The following MRE11 variants were observed in gnomAD, a reference collection of about 807,000 sequenced individuals.
MRE11 encodes the protein MRE11 double strand break repair nuclease.
In MRE11, 62 loss-of-function variants were observed where a neutral mutation model predicts 91.7. That is an observed-to-expected ratio of 0.68 (90% CI 0.55 to 0.84). MRE11 has a LOEUF of 0.84. Ranked by LOEUF, MRE11 falls within the 40% of genes least tolerant of loss-of-function variation. The pLI is 0.00. For synonymous variants in MRE11, 273 were observed against 271.4 expected, an observed-to-expected ratio of 1.01 and a Z score of -0.06; for missense variants, 796 against 852.9, an observed-to-expected ratio of 0.93 and a Z score of 0.83.
intron 3 of MRE11, among the ~76,000 whole-genome samples, chr11:94,487,757 G>A (rs1372565619): frequency 6.6e-6 from 1 of 152,204 alleles, no homozygotes; most frequent in Non-Finnish European, 1.5e-5. Context: ...GTAAAGAGAA[G>A]ATAAAGCAAA....
At chr11:94,477,003 T>C (rs1946879074) in intron 6 of MRE11, among the ~76,000 whole-genome samples, 1 of 152,176 alleles carries the variant, frequency 6.6e-6, no homozygotes, top group African/African-American at 2.4e-5. Context: ...TACAGGCGTG[T>C]GCCAGCACGC....
chr11:94,442,155 T>C lies in MRE11; in HGVS notation c.1867+3655A>G, dbSNP rs143808758. Among the ~76,000 whole-genome samples, 412 of 152,076 alleles carry C rather than the reference T, an allele frequency of 2.7e-3. 4 individuals are homozygous for C. Among genetic ancestry groups the C allele is most frequent in the African/African-American group, 9.5e-3 (393 of 41,486 alleles). On this transcript the variant is annotated intron_variant, in intron 16 of 19. Coordinates refer to ENST00000323929, the MANE Select transcript of MRE11 (RefSeq NM_005591.4). Reference sequence around the variant, plus strand: ...ATAGAGGTAACATCTGAAGGGATAATAGCTAAGGATTTTCTAGAAGTGACG... The same window carrying C: ...ATAGAGGTAACATCTGAAGGGATAACAGCTAAGGATTTTCTAGAAGTGACG...
rs141426531 is a variant in MRE11 at position 94,482,501 on chromosome 11, T to C, written c.315-2740A>G. Among the ~76,000 whole-genome samples, 962 of 151,404 alleles carry C rather than the reference T, an allele frequency of 6.4e-3. 10 individuals are homozygous for C. The highest frequency in any genetic ancestry group is 0.022 in the African/African-American group (927 of 41,222). On this transcript the variant is annotated intron_variant, in intron 4 of 19. Transcript: ENST00000323929. The stretch of plus-strand genomic sequence containing the variant: ...AACTGTGCTTCAGAAAGAAGGAAAC[T>C]GAATCTACACAAAAGAAATGAAATA...
chr11:94,492,904 A>G lies in MRE11; in HGVS notation c.-103T>C. The stretch of plus-strand genomic sequence containing the variant: ...ATGCACTCGATTCCAAATTCTAGAA[A>G]TTCTAAAAACAAAATTACATCATAA... On this transcript the variant is annotated splice_region_variant and 5_prime_UTR_variant, in exon 2 of 20. Transcript: ENST00000323929. The G allele has an allele frequency of 9.0e-7, 1 of 1,111,814 alleles. No individual in the cohort carries two copies. The highest frequency in any genetic ancestry group is 1.3e-6 in the Non-Finnish European group (1 of 741,716). 68.9% of individuals were successfully genotyped at this position (1,111,814 alleles called of 1,614,324 possible).
chr11:94,447,164 A>G, intron 15 of MRE11, 55 bp downstream of exon 15: 2 of 1,516,004 alleles, frequency 1.3e-6, no homozygotes, highest in Non-Finnish European at 9.1e-7. Flanking sequence ...CTAATTCTGT[A>G]TTTTCCACTC....
chr11:94,455,335 A>T (rs565838842), intron 14 of MRE11, among the ~76,000 whole-genome samples: 9 of 152,330 alleles, frequency 5.9e-5, no homozygotes, highest in East Asian at 5.8e-4. Context: ...CTAAATTGAG[A>T]AAATCTTGTG....
intron 18 of MRE11, among the ~76,000 whole-genome samples, chr11:94,435,508 A>C (rs1945581720): frequency 6.6e-6 from 1 of 152,214 alleles, no homozygotes; most frequent in Admixed American, 6.5e-5. Flanking sequence ...GTGAGCCAAG[A>C]TCGCACTACT....
chr11:94,466,441 T>C (rs527620946), intron 10 of MRE11: 45 of 523,496 alleles, frequency 8.6e-5, no homozygotes, highest in African/African-American at 7.5e-4. Context: ...GGGAACAGAT[T>C]ACCTACTGTG....
At chr11:94,444,357 T>C (rs144429810) in intron 16 of MRE11, among the ~76,000 whole-genome samples, 147 of 152,332 alleles carry the variant, frequency 9.6e-4, no homozygotes, top group African/African-American at 3.3e-3. Context: ...CTGTGCAAGC[T>C]TGTCCAACCC....
intron 10 of MRE11, chr11:94,466,603 G>T (rs13447638): frequency 7.3e-6 from 3 of 411,706 alleles, no homozygotes; most frequent in South Asian, 5.1e-5. Flanking sequence ...TAAGGGATGC[G>T]GTTGCTCAAG....
chr11:94,442,317 A>T (rs1037934831), intron 16 of MRE11, among the ~76,000 whole-genome samples: 2 of 152,172 alleles, frequency 1.3e-5, no homozygotes, highest in Non-Finnish European at 2.9e-5. Context: ...GTTATTTTTT[A>T]AAAAACAAAA....
chr11:94,475,066 G>C (rs1946815906), intron 7 of MRE11: 1 of 152,178 alleles, frequency 6.6e-6, no homozygotes, highest in Admixed American at 6.6e-5. Flanking sequence ...CTTTTACCGA[G>C]TATTTAACCT....
chr11:94,427,161 C>A (rs759089730), intron 19 of MRE11, among the ~76,000 whole-genome samples: 6 of 151,916 alleles, frequency 3.9e-5, no homozygotes, highest in South Asian at 4.2e-4. Context: ...ACTAGCAAAC[C>A]AAATCTAGCA....
intron 18 of MRE11, among the ~76,000 whole-genome samples, chr11:94,432,156 G>A (rs866650151): frequency 6.6e-6 from 1 of 152,172 alleles, no homozygotes; most frequent in South Asian, 2.1e-4. Context: ...AACCAAAGGA[G>A]TCCTGTTAAA....
At chr11:94,494,535 G>A (rs1273804663), upstream of MRE11, among the ~76,000 whole-genome samples, 1 of 152,116 alleles carries the variant, frequency 6.6e-6, no homozygotes, top group African/African-American at 2.4e-5. Context: ...TGTTTGTAAG[G>A]AGTTGACATA....
chr11:94,481,886 G>A (rs988736609), intron 4 of MRE11, among the ~76,000 whole-genome samples: 1 of 152,048 alleles, frequency 6.6e-6, no homozygotes, highest in African/African-American at 2.4e-5. Flanking sequence ...TACATGAACT[G>A]TGAACTGGAA....
intron 7 of MRE11, chr11:94,475,730 A>G (rs1946835584): frequency 2.3e-6 from 1 of 429,662 alleles, no homozygotes; most frequent in Non-Finnish European, 4.6e-6. Context: ...CATGTCTAAG[A>G]ATGTTCATAA....
At chr11:94,481,019 T>C (rs953135546) in intron 4 of MRE11, among the ~76,000 whole-genome samples, 2 of 152,106 alleles carry the variant, frequency 1.3e-5, no homozygotes, top group Non-Finnish European at 2.9e-5. Flanking sequence ...CTTTTAAAAA[T>C]AGGTTTAGGC....
intron 18 of MRE11, among the ~76,000 whole-genome samples, chr11:94,435,401 A>G (rs1324305347): frequency 2.0e-5 from 3 of 152,028 alleles, no homozygotes; most frequent in Non-Finnish European, 4.4e-5. Context: ...CCAAAAATAC[A>G]AAAAATTAGC....
Sources: allele counts gnomAD v4.1 joint callset (sites outside exome capture counted in the v4.1 genomes callset), GRCh38; gene constraint gnomAD v4.1.1; transcripts MANE v1.5; gene names NCBI Gene and HGNC (gene_info 2026-07-23, HGNC 2026-07-21).